Variants in BIN1 observed in about 807,000 individuals in gnomAD.
BIN1 encodes myc box-dependent-interacting protein 1.
Under a neutral mutation model 82.0 loss-of-function variants are expected in BIN1, and 53 were observed. The ratio of observed to expected loss-of-function variants is 0.65; its 90% confidence interval spans 0.52 to 0.81. The LOEUF (loss-of-function observed/expected upper bound fraction) is 0.81. Ranked by LOEUF, BIN1 falls within the 40% of genes least tolerant of loss-of-function variation. The pLI, the probability that BIN1 is intolerant of heterozygous loss-of-function variation, is 0.00. For missense variants in BIN1, 642 were observed against 784.4 expected, an observed-to-expected ratio of 0.82 and a Z score of 2.17; for synonymous variants, 302 against 328.0, an observed-to-expected ratio of 0.92 and a Z score of 0.86.
intron 1 of BIN1, among the ~76,000 whole-genome samples, chr2:127,083,914 C>T (rs561202131): frequency 6.6e-6 from 1 of 152,302 alleles, no homozygotes; most frequent in East Asian, 1.9e-4. Context: ...GCCTTCCCAC[C>T]GCACCACAGC....
At chr2:127,077,775 C>A (rs150485208) in intron 1 of BIN1, among the ~76,000 whole-genome samples, 20 of 152,246 alleles carry the variant, frequency 1.3e-4, no homozygotes, top group Middle Eastern at 3.4e-3. Context: ...AGGGTGGCGG[C>A]GGGACACACC....
intron 7 of BIN1, among the ~76,000 whole-genome samples, chr2:127,066,344 C>T (rs1220794659): frequency 6.6e-6 from 1 of 152,208 alleles, no homozygotes; most frequent in East Asian, 1.9e-4. Context: ...GATCACCTGC[C>T]TCACCCTCTC....
intron 1 of BIN1, among the ~76,000 whole-genome samples, chr2:127,101,774 C>G (rs1171218439): frequency 1.3e-5 from 2 of 152,166 alleles, no homozygotes; most frequent in African/African-American, 4.8e-5. Flanking sequence ...GATTCCCAAG[C>G]CCAAACCCTC....
intron 1 of BIN1, among the ~76,000 whole-genome samples, chr2:127,079,993 C>A (rs12466710): frequency 3.9e-5 from 6 of 152,238 alleles, no homozygotes. Context: ...GCTCCAGTGC[C>A]CCCGCCTTGG....
At chr2:127,098,379 A>T (rs984837583) in intron 1 of BIN1, among the ~76,000 whole-genome samples, 1 of 152,150 alleles carries the variant, frequency 6.6e-6, no homozygotes, top group African/African-American at 2.4e-5. Context: ...ATCCGGGCTC[A>T]GCCACCAGAC....
Position 127,070,094 on chromosome 2 carries a change from A to C in BIN1, c.316-4T>G, listed in dbSNP as rs1573644777. On this transcript the variant is annotated splice_polypyrimidine_tract_variant and splice_region_variant and intron_variant, in intron 4 of 18. Coordinates refer to ENST00000316724, the MANE Select transcript of BIN1 (RefSeq NM_139343.3). ...CCATCCACAGCAGGTCGTTGTTCTG[A>C]GACAGGCAAGAGCACGACAGTGCCA... 2 of 1,613,588 alleles carry C rather than the reference A, an allele frequency of 1.2e-6. No individual in the cohort carries two copies. Among genetic ancestry groups the C allele is most frequent in the Non-Finnish European group, 1.7e-6 (2 of 1,179,812 alleles).
At chr2:127,096,715 A>G (rs923362313) in intron 1 of BIN1, among the ~76,000 whole-genome samples, 6 of 152,206 alleles carry the variant, frequency 3.9e-5, no homozygotes, top group African/African-American at 1.4e-4. Flanking sequence ...CAGAGAAAAA[A>G]GGGGAGCTGC....
rs1164904464 is a variant in BIN1, at chr2:127,059,394, A to T, written c.858-239T>A. 6.6e-6 allele frequency among the ~76,000 whole-genome samples: 1 copy of T among 150,882 alleles called. No homozygotes were observed. Among genetic ancestry groups the T allele is most frequent in the Non-Finnish European group, 1.5e-5 (1 of 67,718 alleles). On this transcript the variant is annotated intron_variant, in intron 10 of 18. Transcript: ENST00000316724. This position sits in a 1 kb window ranked among gnomAD's most constrained non-coding sequence, Gnocchi z 6.7. ...AGAAACAGGAACAGCACAAGGTGGG[A>T]CTCCAGGCTGGAGGTCTATGGTCCC...
rs1573773539 is a variant in BIN1 at position 127,092,116 on chromosome 2, A to C, written c.84+14744T>G. Among the ~76,000 whole-genome samples, 20 of 123,338 alleles carry C rather than the reference A, an allele frequency of 1.6e-4. No homozygotes were observed. In the South Asian group the frequency reaches 1.9e-3, roughly 12 times the overall value. The allele number at this position is 123,338 out of a possible 152,430, so 80.9% of individuals were successfully genotyped here. ...CACCCTCCACCACACCCCTACACCC[A>C]CCTCTACCCCCTGTCCCTGCCCCTG... On this transcript the variant is annotated intron_variant, in intron 1 of 18. Coordinates refer to ENST00000316724, the MANE Select transcript of BIN1 (RefSeq NM_139343.3).
At position 127,048,307 on chromosome 2, in the gene BIN1, A is replaced by G. The variant is rs535537313; in HGVS notation, c.*219T>C. 2 of 560,264 alleles carry G rather than the reference A, an allele frequency of 3.6e-6. No individual in the cohort carries two copies. Among genetic ancestry groups the G allele is most frequent in the East Asian group, 6.2e-5 (2 of 32,374 alleles). The allele number at this position is 560,264 out of a possible 1,614,324, so 34.7% of individuals were successfully genotyped here. ...CAGAAACTCAACTAGAGGACACAGC[A>G]GCTTCAGGAACACTGGTGAATTCCG... On this transcript the variant is annotated 3_prime_UTR_variant, in exon 19 of 19. Transcript: ENST00000316724.
intron 15 of BIN1, among the ~76,000 whole-genome samples, chr2:127,051,533 C>T (rs1467866380): frequency 6.6e-6 from 1 of 152,162 alleles, no homozygotes; most frequent in Non-Finnish European, 1.5e-5. Flanking sequence ...CCCCCAACCC[C>T]GCCTCACAGG....
At chr2:127,075,760 CCA>C (rs1370657712) in intron 2 of BIN1, among the ~76,000 whole-genome samples, 65 of 108,972 alleles carry the variant, frequency 6.0e-4, no homozygotes, top group African/African-American at 7.4e-4. Context: ...CAGCTGCCCC[CCA>C]CCACCCTCTC....
rs1684201706 is a variant in BIN1 at position 127,059,787 on chromosome 2, A to G, written c.858-632T>C. On this transcript the variant is annotated intron_variant, in intron 10 of 18. Coordinates refer to ENST00000316724, the MANE Select transcript of BIN1 (RefSeq NM_139343.3). This position sits in a 1 kb window ranked among gnomAD's most constrained non-coding sequence, Gnocchi z 6.7. Reference sequence around the variant, plus strand: ...CGATGGAGGGGACAGGTCCTGAGCCATGGCGTTCAGTGCCAGAACCCAAGG... The same window carrying G: ...CGATGGAGGGGACAGGTCCTGAGCCGTGGCGTTCAGTGCCAGAACCCAAGG... Among the ~76,000 whole-genome samples the G allele has an allele frequency of 6.6e-6, 1 of 152,154 alleles. No individual in the cohort carries two copies. The highest frequency in any genetic ancestry group is 1.5e-5 in the Non-Finnish European group (1 of 68,022).
Position 127,087,954 on chromosome 2 carries a change from G to A in BIN1, c.85-11248C>T, listed in dbSNP as rs568962375. Among the ~76,000 whole-genome samples the A allele has an allele frequency of 9.2e-5, 14 of 152,296 alleles. 2 individuals are homozygous for A. Among genetic ancestry groups the A allele is most frequent in the African/African-American group, 7.2e-5 (3 of 41,588 alleles). On this transcript the variant is annotated intron_variant, in intron 1 of 18. Transcript: ENST00000316724. ...ACAGAGGAGTTTCTAGAAGGGCTAC[G>A]CCCACCCAGACCATCATCAAGCGCC...
At chr2:127,073,725 A>G (rs1331817423) in intron 2 of BIN1, among the ~76,000 whole-genome samples, 1 of 152,214 alleles carries the variant, frequency 6.6e-6, no homozygotes, top group African/African-American at 2.4e-5. Flanking sequence ...GGGGACAAGA[A>G]GGAATCAGAC....
chr2:127,066,147 G>A (rs1347491453), intron 7 of BIN1, among the ~76,000 whole-genome samples: 2 of 152,140 alleles, frequency 1.3e-5, no homozygotes, highest in African/African-American at 2.4e-5. Context: ...GGGCAGCCCC[G>A]GAGTCCCAGC....
intron 1 of BIN1, among the ~76,000 whole-genome samples, chr2:127,089,745 G>A (rs1399468123): frequency 6.6e-6 from 1 of 152,140 alleles, no homozygotes; most frequent in Non-Finnish European, 1.5e-5. Context: ...GACACTGCTG[G>A]GGCAGAAGGT....
At chr2:127,053,538 C>A in intron 13 of BIN1, 93 bp from the exon 14 acceptor site, 2 of 1,502,576 alleles carry the variant, frequency 1.3e-6, no homozygotes, top group East Asian at 4.9e-5. Flanking sequence ...CCCGCTCGCC[C>A]CAGGCCATCC....
intron 1 of BIN1, among the ~76,000 whole-genome samples, chr2:127,094,347 G>A (rs537888458): frequency 6.6e-6 from 1 of 152,336 alleles, no homozygotes; most frequent in Admixed American, 6.5e-5. Context: ...ACTTGGCACT[G>A]TGTGCCTACT....
Sources: gnomAD v4.1 joint callset for allele counts (sites outside exome capture counted in the v4.1 genomes callset) on GRCh38, gnomAD v4.1.1 for gene constraint, Gnocchi (gnomAD v3.1) non-coding constraint, MANE v1.5 for transcripts, NCBI Gene and HGNC (gene_info 2026-07-23, HGNC 2026-07-21) for gene names.